The following OSMR variants were observed in gnomAD, a reference collection of about 807,000 sequenced individuals.
OSMR encodes oncostatin-M-specific receptor subunit beta.
In OSMR, 81 loss-of-function variants were observed where a neutral mutation model predicts 99.9. The observed-to-expected ratio is 0.81, with a 90% CI of 0.68 to 0.97. The LOEUF is 0.97. Among genes scored for constraint, OSMR ranks in the 50% least tolerant of loss-of-function variants. The pLI is 0.00. For synonymous variants in OSMR, 406 were observed against 410.4 expected (o/e 0.99, Z 0.13); for missense variants, 1,099 against 1,153.4 (o/e 0.95, Z 0.68).
In OSMR at chr5:38,925,339, C is replaced by T. The variant is rs544346899; in HGVS notation, c.2180C>T (p.Thr727Met). 2.5e-6 allele frequency: 4 copies of T among 1,614,088 alleles called. No individual in the cohort carries two copies. Among genetic ancestry groups the T allele is most frequent in the African/African-American group, 2.7e-5 (2 of 75,040 alleles). ...FTSAGEGPSA[T>M]FTKVTTPDEH... ...AGTGCTGGTGAAGGCCCCAGTGCTACGTTCACGAAGGTCACGACTCCGGAT... is the reference window on the plus strand; with the variant it reads ...AGTGCTGGTGAAGGCCCCAGTGCTATGTTCACGAAGGTCACGACTCCGGAT... The change falls in exon 15 of 18, where the codon ACG becomes ATG. Residue 727 changes from threonine to methionine, a missense_variant. Transcript: ENST00000274276.
chr5:38,869,423 G>C (rs1415876796), intron 2 of OSMR, among the ~76,000 whole-genome samples: 8 of 152,166 alleles, frequency 5.3e-5, no homozygotes, highest in Non-Finnish European at 8.8e-5. Context: ...TATTTTATCA[G>C]ACCATCATCG....
At chr5:38,928,888 T>G (rs2112687392) in intron 15 of OSMR, among the ~76,000 whole-genome samples, 1 of 152,276 alleles carries the variant, frequency 6.6e-6, no homozygotes, top group South Asian at 2.1e-4. Flanking sequence ...CCTTTGGAAT[T>G]TACTTGGTAT....
intron 3 of OSMR, among the ~76,000 whole-genome samples, chr5:38,880,566 G>A (rs1743199504): frequency 6.6e-6 from 1 of 152,192 alleles, no homozygotes; most frequent in Admixed American, 6.5e-5. Flanking sequence ...GCAGAGGAAA[G>A]AGCAAGAAAG....
intron 1 of OSMR, among the ~76,000 whole-genome samples, chr5:38,863,815 T>C (rs1741709825): frequency 6.6e-6 from 1 of 152,200 alleles, no homozygotes; most frequent in Non-Finnish European, 1.5e-5. Flanking sequence ...TTTAGTAATA[T>C]TTGCTTTATT....
intron 9 of OSMR, among the ~76,000 whole-genome samples, chr5:38,914,223 T>C (rs13190075): frequency 0.16 from 24,918 of 152,192 alleles, 2,495 homozygotes; most frequent in Admixed American, 0.24. Flanking sequence ...TGGCTGAGGT[T>C]GTTTCTCAGA....
At chr5:38,885,889 T>C (rs1743702274) in intron 6 of OSMR, 150 bp from the exon 7 acceptor site, 4 of 1,450,268 alleles carry the variant, frequency 2.8e-6, no homozygotes, top group Non-Finnish European at 3.6e-6. Flanking sequence ...ATTTTCGTTA[T>C]TGGTATTTGT....
chr5:38,913,888 G>A (rs996314074), intron 9 of OSMR, among the ~76,000 whole-genome samples: 8 of 152,184 alleles, frequency 5.3e-5, no homozygotes, highest in African/African-American at 1.7e-4. Context: ...TTAAGCTACT[G>A]TACGCATTTG....
rs1471495121 is a variant in OSMR at position 38,925,319 on chromosome 5, T to C, written c.2160T>C (p.Ala720=). Residue 720 remains alanine, a synonymous_variant, in exon 15 of 18, where the codon GCT becomes GCC. Coordinates refer to ENST00000274276, the MANE Select transcript of OSMR (RefSeq NM_003999.3). ...YEFFITPFTS[A]GEGPSATFTK... ...TTTTCATCACTCCATTCACTAGTGC[T>C]GGTGAAGGCCCCAGTGCTACGTTCA... 6.2e-7 allele frequency: 1 copy of C among 1,614,140 alleles called. No individual in the cohort carries two copies. Among genetic ancestry groups the C allele is most frequent in the East Asian group, 2.2e-5 (1 of 44,870 alleles).
chr5:38,905,585 G>A, intron 9 of OSMR, among the ~76,000 whole-genome samples: 1 of 152,096 alleles, frequency 6.6e-6, no homozygotes, highest in East Asian at 1.9e-4. Flanking sequence ...ACAACACGCA[G>A]TAGGTGCTCT....
chr5:38,942,683 T>C (rs1056980996), intron 1 of OSMR: 1 of 614,872 alleles, frequency 1.6e-6, no homozygotes, highest in Non-Finnish European at 2.8e-6. Context: ...CTTGAATTCC[T>C]GGGCTCAAGC....
intron 7 of OSMR, among the ~76,000 whole-genome samples, chr5:38,897,553 C>T (rs757518017): frequency 5.3e-5 from 8 of 151,780 alleles, no homozygotes; most frequent in African/African-American, 9.7e-5. Context: ...CTTGGTCTGG[C>T]TAATGGTTTG....
chr5:38,861,262 C>T (rs1741272037), intron 1 of OSMR, among the ~76,000 whole-genome samples: 1 of 151,724 alleles, frequency 6.6e-6, no homozygotes, highest in Admixed American at 6.5e-5. Context: ...GCAGAGGACC[C>T]TGCGGGCCTT....
chr5:38,907,201 C>G (rs1203381132), intron 9 of OSMR, among the ~76,000 whole-genome samples: 1 of 152,128 alleles, frequency 6.6e-6, no homozygotes. Flanking sequence ...AGCTGCATAC[C>G]CTGCACAGGG....
Position 38,871,951 on chromosome 5 carries a change from A to T in OSMR, c.73+2834A>T, listed in dbSNP as rs929841309. 3.3e-5 allele frequency among the ~76,000 whole-genome samples: 5 copies of T among 152,056 alleles called. No homozygotes were observed. The East Asian group carries it at 9.7e-4, about 29-fold the overall frequency. The stretch of plus-strand genomic sequence containing the variant: ...AACAGGGTGGGGAAAGTGGGAGGAG[A>T]GTATGTGATTAAGTCCTGGTCTGAT... On this transcript the variant is annotated intron_variant, in intron 2 of 17. Coordinates refer to ENST00000274276, the MANE Select transcript of OSMR (RefSeq NM_003999.3).
intron 2 of OSMR, among the ~76,000 whole-genome samples, chr5:38,875,635 C>A (rs1055090483): frequency 6.6e-6 from 1 of 152,184 alleles, no homozygotes; most frequent in Non-Finnish European, 1.5e-5. Flanking sequence ...GAGCTAGGAA[C>A]CTTGTCACAA....
chr5:38,873,226 A>G (rs10060060), intron 2 of OSMR, among the ~76,000 whole-genome samples: 5,465 of 152,268 alleles, frequency 0.036, 316 homozygotes, highest in African/African-American at 0.12. Flanking sequence ...TTCACTTAGC[A>G]TGATGTTTGT....
At chr5:38,905,873 C>T (rs1745196299) in intron 9 of OSMR, among the ~76,000 whole-genome samples, 1 of 152,154 alleles carries the variant, frequency 6.6e-6, no homozygotes, top group African/African-American at 2.4e-5. Context: ...GCTGGCAGAA[C>T]TCTTTCTGTC....
At chr5:38,864,549 T>TC (rs912430306) in intron 1 of OSMR, among the ~76,000 whole-genome samples, 20 of 151,698 alleles carry the variant, frequency 1.3e-4, no homozygotes, top group Non-Finnish European at 2.7e-4. Flanking sequence ...AGTTTTTTTT[T>TC]TTTTCTTTTA....
chr5:38,866,198 G>T (rs183354572), intron 1 of OSMR, among the ~76,000 whole-genome samples: 2 of 152,270 alleles, frequency 1.3e-5, no homozygotes, highest in East Asian at 3.9e-4. Context: ...TGCTATGTGT[G>T]GCAAGCCTGT....
Sources: gnomAD v4.1 joint callset for allele counts (sites outside exome capture counted in the v4.1 genomes callset) on GRCh38, gnomAD v4.1.1 for gene constraint, MANE v1.5 for transcripts, NCBI Gene and HGNC (gene_info 2026-07-23, HGNC 2026-07-21) for gene names.